IGSF21: variants seen among roughly 807,000 people sequenced by gnomAD.
IGSF21 encodes the protein immunoglobulin superfamily member 21.
A neutral mutation model predicts 46.8 loss-of-function variants in IGSF21; 28 were observed. The observed-to-expected ratio is 0.60, with a 90% CI of 0.44 to 0.82. The LOEUF (loss-of-function observed/expected upper bound fraction) is 0.82, where lower values mean the gene tolerates loss of function less well. Ranked by LOEUF, IGSF21 falls within the 40% of genes least tolerant of loss-of-function variation. The probability of loss-of-function intolerance (pLI) is 0.00; values close to 1 mark genes in which losing one functional copy is unlikely to be tolerated. For missense variants in IGSF21, 624 were observed against 665.5 expected (o/e 0.94, Z 0.69); for synonymous variants, 284 against 273.6 (o/e 1.04, Z -0.38).
chr1:18,241,997 G>A, intron 2 of IGSF21, among the ~76,000 whole-genome samples: 1 of 152,208 alleles, frequency 6.6e-6, no homozygotes, highest in East Asian at 1.9e-4. Context: ...GTGGGGGAGA[G>A]ATGGAGATGG....
chr1:18,369,769 A>G (rs1342144457), intron 6 of IGSF21, among the ~76,000 whole-genome samples: 4 of 152,158 alleles, frequency 2.6e-5, no homozygotes, highest in Non-Finnish European at 4.4e-5. Flanking sequence ...CCTTGCAGGG[A>G]TGCCCTCCGC....
chr1:18,341,045 C>T (rs28676520), intron 4 of IGSF21, among the ~76,000 whole-genome samples: 1,877 of 78,060 alleles, frequency 0.024, 29 homozygotes, highest in African/African-American at 0.034. Flanking sequence ...CTTCTTCTTC[C>T]TCTTCCTCTT....
intron 4 of IGSF21, among the ~76,000 whole-genome samples, chr1:18,356,734 T>C (rs988970393): frequency 3.9e-5 from 6 of 152,020 alleles, no homozygotes; most frequent in Admixed American, 3.9e-4. Flanking sequence ...GGAGATGGTA[T>C]TGGGGTTGGG....
At chr1:18,110,433 T>G (rs1026733781) in intron 1 of IGSF21, 1 of 152,106 alleles carries the variant, frequency 6.6e-6, no homozygotes, top group African/African-American at 2.4e-5. Context: ...CCGAGAGAGG[T>G]GCACCTGGCA....
chr1:18,263,702 C>G (rs369012778), intron 2 of IGSF21, among the ~76,000 whole-genome samples: 2 of 152,216 alleles, frequency 1.3e-5, no homozygotes, highest in South Asian at 2.1e-4. Flanking sequence ...ATTCCCAGTC[C>G]CACTGGGGCC....
Position 18,211,338 on chromosome 1 carries a change from G to A in IGSF21, c.71-16560G>A, listed in dbSNP as rs1322416452. Among the ~76,000 whole-genome samples, 3 of 152,328 alleles carry A rather than the reference G, an allele frequency of 2.0e-5. No homozygotes were observed. In the East Asian group the frequency reaches 5.8e-4, roughly 29 times the overall value. On this transcript the variant is annotated intron_variant, in intron 1 of 9. Transcript: ENST00000251296. ...CCTTGTTCTTCAGTGGGAAAACCCT[G>A]TCACCTGAGTTCATTTAAAACTGAT...
In IGSF21 at chr1:18,163,817, G is replaced by T. The variant is rs150052903; in HGVS notation, c.70+55619G>T. On this transcript the variant is annotated intron_variant, in intron 1 of 9. Transcript: ENST00000251296. ...CTTCACTGTGTCTTCACAGCCTAGG[G>T]GCACTGATGGATTTAGCTAAGTGCT... 1.3e-3 allele frequency among the ~76,000 whole-genome samples: 200 copies of T among 152,262 alleles called. 1 individual carries two copies. The highest frequency in any genetic ancestry group is 4.7e-3 in the African/African-American group (196 of 41,536).
intron 1 of IGSF21, among the ~76,000 whole-genome samples, chr1:18,127,642 C>G (rs12124959): frequency 6.6e-6 from 1 of 152,004 alleles, no homozygotes; most frequent in African/African-American, 2.4e-5. Flanking sequence ...GTGGCTCTTG[C>G]CCATAATCCC....
chr1:18,214,489 T>C (rs2084422669), intron 1 of IGSF21, among the ~76,000 whole-genome samples: 1 of 152,236 alleles, frequency 6.6e-6, no homozygotes, highest in Non-Finnish European at 1.5e-5. Flanking sequence ...GTAGAGTTCA[T>C]GGTCCAGGCT....
Position 18,346,091 on chromosome 1 carries a change from G to A in IGSF21, c.424+11081G>A, listed in dbSNP as rs148787786. ...GAGGAAAGCTGTTCTTACTTCCTAC[G>A]TATTTGGCTTCAACCCTCACCCTGT... On this transcript the variant is annotated intron_variant, in intron 4 of 9. Coordinates refer to ENST00000251296, the MANE Select transcript of IGSF21 (RefSeq NM_032880.5). Among the ~76,000 whole-genome samples the A allele has an allele frequency of 4.5e-4, 68 of 152,276 alleles. No individual in the cohort carries two copies. The East Asian group carries it at 0.011, about 26-fold the overall frequency.
rs10534606 is a variant in IGSF21 at position 18,128,788 on chromosome 1, CTGTGTG to C, written c.70+20610_70+20615del. On this transcript the variant is annotated intron_variant, in intron 1 of 9. Transcript: ENST00000251296. The stretch of plus-strand genomic sequence containing the variant: ...TTAGCCACTGTCTCTTGCTCATTCG[CTGTGTG>C]TGTGTGTGTGTGTGTGTGTATGTCT... 4.1e-4 allele frequency among the ~76,000 whole-genome samples: 61 copies of C among 149,576 alleles called. 1 individual carries two copies. Among genetic ancestry groups the C allele is most frequent in the South Asian group, 1.9e-3 (9 of 4,670 alleles).
intron 2 of IGSF21, among the ~76,000 whole-genome samples, chr1:18,259,583 A>T (rs968890549): frequency 6.6e-6 from 1 of 152,050 alleles, no homozygotes; most frequent in African/African-American, 2.4e-5. Context: ...TCTAGTCTTC[A>T]CTCTTTTCTC....
chr1:18,169,228 G>A (rs1270320391), intron 1 of IGSF21, among the ~76,000 whole-genome samples: 1 of 152,218 alleles, frequency 6.6e-6, no homozygotes, highest in Non-Finnish European at 1.5e-5. Flanking sequence ...AGCTGGATCC[G>A]CCATGGAGGC....
chr1:18,178,136 G>T (rs1044718679), intron 1 of IGSF21, among the ~76,000 whole-genome samples: 1 of 152,156 alleles, frequency 6.6e-6, no homozygotes, highest in Non-Finnish European at 1.5e-5. Context: ...GGAAAAGAGA[G>T]AAAGGGAGTG....
rs151278356 is a variant in IGSF21, at chr1:18,295,801, G to A, written c.305+3814G>A. On this transcript the variant is annotated intron_variant, in intron 3 of 9. Transcript: ENST00000251296. ...AGGTGAGAAGTGCCGGGGAGTTGAC[G>A]CCACCCCGGGAGCAGCCTTGACCAA... Among the ~76,000 whole-genome samples, 1,321 of 152,300 alleles carry A rather than the reference G, an allele frequency of 8.7e-3. 16 individuals carry two copies. Among genetic ancestry groups the A allele is most frequent in the African/African-American group, 0.03 (1,244 of 41,558 alleles).
intron 4 of IGSF21, among the ~76,000 whole-genome samples, chr1:18,336,104 A>T (rs1449058690): frequency 6.6e-6 from 1 of 152,344 alleles, no homozygotes; most frequent in East Asian, 1.9e-4. Context: ...TCATTTATGC[A>T]TCACAATGTA....
chr1:18,237,115 T>A (rs945993068), intron 2 of IGSF21, among the ~76,000 whole-genome samples: 3 of 152,172 alleles, frequency 2.0e-5, no homozygotes, highest in African/African-American at 7.2e-5. Context: ...TTTCCTACCA[T>A]CCTTAGCCTT....
rs535142357 is a variant in IGSF21 at position 18,363,348 on chromosome 1, G to A, written c.540+1118G>A. Among the ~76,000 whole-genome samples, 11 of 152,288 alleles carry A rather than the reference G, an allele frequency of 7.2e-5. No individual in the cohort carries two copies. In the East Asian group the frequency reaches 7.7e-4, roughly 11 times the overall value. ...TCTCCCAGGCATGGTCCAATTGTGC[G>A]GCCTTGGGAATCTAGGCCAGCCCTG... On this transcript the variant is annotated intron_variant, in intron 5 of 9. Transcript: ENST00000251296.
chr1:18,268,237 T>C (rs967461604), intron 2 of IGSF21, among the ~76,000 whole-genome samples: 2 of 152,192 alleles, frequency 1.3e-5, no homozygotes, highest in African/African-American at 4.8e-5. Flanking sequence ...CTTTGGGAAG[T>C]CCAAGTGAGC....
Sources: allele counts gnomAD v4.1 joint callset (sites outside exome capture counted in the v4.1 genomes callset), GRCh38; gene constraint gnomAD v4.1.1; transcripts MANE v1.5; gene names NCBI Gene and HGNC (gene_info 2026-07-23, HGNC 2026-07-21).